The following SLC2A9 variants were observed in gnomAD, a reference collection of about 807,000 sequenced individuals.
SLC2A9 encodes the protein solute carrier family 2 member 9, also known as solute carrier family 2, facilitated glucose transporter member 9.
In SLC2A9, 39 loss-of-function variants were observed where a neutral mutation model predicts 50.6. The ratio of observed to expected loss-of-function variants is 0.77; its 90% CI spans 0.60 to 1.01. SLC2A9 has a LOEUF of 1.01. Ranked by LOEUF, SLC2A9 falls within the 50% of genes least tolerant of loss-of-function variation. SLC2A9 has a pLI of 0.00. For missense variants in SLC2A9, 686 were observed against 677.6 expected (o/e 1.01, Z -0.14); for synonymous variants, 324 against 276.9 (o/e 1.17, Z -1.69).
At chr4:9,995,185 A>T (rs1271898020) in intron 3 of SLC2A9, among the ~76,000 whole-genome samples, 1 of 152,164 alleles carries the variant, frequency 6.6e-6, no homozygotes. Context: ...ATAGAAAATT[A>T]AACAAGAGAA....
intron 8 of SLC2A9, among the ~76,000 whole-genome samples, chr4:9,899,775 A>G (rs1416946273): frequency 1.3e-5 from 2 of 152,156 alleles, no homozygotes; most frequent in Non-Finnish European, 2.9e-5. Flanking sequence ...ATGTCTTGAG[A>G]TATTTCAGCC....
intron 5 of SLC2A9, among the ~76,000 whole-genome samples, chr4:9,950,196 G>A (rs781102700): frequency 9.9e-5 from 15 of 152,224 alleles, no homozygotes; most frequent in South Asian, 6.2e-4. Flanking sequence ...TTTTTGGTGC[G>A]CATTCATGCT....
chr4:9,918,862 C>T (rs1743383199), intron 7 of SLC2A9, among the ~76,000 whole-genome samples: 1 of 152,170 alleles, frequency 6.6e-6, no homozygotes, highest in South Asian at 2.1e-4. Flanking sequence ...AGATCATCAA[C>T]ATGGGAGGGC....
At chr4:9,872,199 C>T (rs1733552896) in intron 10 of SLC2A9, among the ~76,000 whole-genome samples, 1 of 152,140 alleles carries the variant, frequency 6.6e-6, no homozygotes, top group South Asian at 2.1e-4. Flanking sequence ...AGGGACTTGT[C>T]CAACTTACTG....
chr4:10,038,056 GACA>G (rs1344652645), intron 1 of SLC2A9, among the ~76,000 whole-genome samples: 1 of 152,206 alleles, frequency 6.6e-6, no homozygotes, highest in Non-Finnish European at 1.5e-5. Flanking sequence ...TTGGCCTTGA[GACA>G]AGGTGTCCCC....
At chr4:10,027,001 G>A (rs1027073233) in intron 1 of SLC2A9, among the ~76,000 whole-genome samples, 5 of 151,526 alleles carry the variant, frequency 3.3e-5, no homozygotes, top group East Asian at 1.9e-4. Flanking sequence ...CTGAGATCTC[G>A]CCACTGCACT....
intron 10 of SLC2A9, among the ~76,000 whole-genome samples, chr4:9,835,598 C>T (rs2109154083): frequency 6.6e-6 from 1 of 152,286 alleles, no homozygotes. Flanking sequence ...TGTCAACATC[C>T]AACAATTATT....
chr4:10,003,544 T>C (rs1482784862), intron 2 of SLC2A9, among the ~76,000 whole-genome samples: 1 of 152,196 alleles, frequency 6.6e-6, no homozygotes, highest in Admixed American at 6.5e-5. Flanking sequence ...AACACTTTTC[T>C]CAAAAGTTCC....
At position 10,021,263 on chromosome 4, in the gene SLC2A9, A is replaced by T. The variant is rs781264782; in HGVS notation, c.150+17T>A. ...CCCACAGCCCGCCAGCCATGCAGAA[A>T]AGCTGTCCGTAGTTACCTTTCTTCT... On this transcript the variant is annotated intron_variant, in intron 1 of 11. Coordinates refer to ENST00000264784, the MANE Select transcript of SLC2A9 (RefSeq NM_020041.3). 6.2e-7 allele frequency: 1 copy of T among 1,612,476 alleles called. No individual in the cohort carries two copies. The highest frequency in any genetic ancestry group is 1.3e-5 in the African/African-American group (1 of 74,876).
At chr4:9,939,710 C>T (rs1747772280) in intron 6 of SLC2A9, among the ~76,000 whole-genome samples, 1 of 152,022 alleles carries the variant, frequency 6.6e-6, no homozygotes, top group South Asian at 2.1e-4. Context: ...GTTTTCAATA[C>T]AGATGAGCCA....
chr4:10,002,382 G>A lies in SLC2A9; in HGVS notation c.250-5441C>T, dbSNP rs542309107. 1.4e-3 allele frequency among the ~76,000 whole-genome samples: 215 copies of A among 152,192 alleles called. 1 individual carries two copies. Among genetic ancestry groups the A allele is most frequent in the Middle Eastern group, 3.4e-3 (1 of 294 alleles). On this transcript the variant is annotated intron_variant, in intron 2 of 11. Coordinates refer to ENST00000264784, the MANE Select transcript of SLC2A9 (RefSeq NM_020041.3). ...TAAAAGCCCTCATTTACAAACAAGG[G>A]GCCTGAGAGTTATATAACCTGCCCA...
At chr4:9,875,085 G>A (rs1734083627) in intron 10 of SLC2A9, among the ~76,000 whole-genome samples, 1 of 148,624 alleles carries the variant, frequency 6.7e-6, no homozygotes, top group Non-Finnish European at 1.5e-5. Flanking sequence ...AATGGCCATA[G>A]GTTACTCTCT....
Position 9,980,591 on chromosome 4 carries a change from C to A in SLC2A9, c.681+1G>T, listed in dbSNP as rs1265333590. The A allele has an allele frequency of 3.1e-6, 5 of 1,614,022 alleles. No homozygotes were observed. Among genetic ancestry groups the A allele is most frequent in the Non-Finnish European group, 4.2e-6 (5 of 1,180,016 alleles). On this transcript the variant is annotated splice_donor_variant, in intron 5 of 11. Transcript: ENST00000264784. LOFTEE classifies it high-confidence loss of function. Reference sequence around the variant, plus strand: ...GCGGTTGACCAGGGAGCCACACTCACCTTTCCCAGCAGCTCGGGCAGGCCC... The same window carrying A: ...GCGGTTGACCAGGGAGCCACACTCAACTTTCCCAGCAGCTCGGGCAGGCCC...
downstream of SLC2A9, among the ~76,000 whole-genome samples, chr4:9,795,719 T>C (rs1850739): frequency 0.93 from 142,000 of 152,260 alleles, 66,376 homozygotes; most frequent in Middle Eastern, 0.96. Context: ...AAGGATGCAC[T>C]ACTGCATATA....
intron 1 of SLC2A9, among the ~76,000 whole-genome samples, chr4:10,031,392 A>G (rs1319265190): frequency 6.6e-6 from 1 of 152,252 alleles, no homozygotes; most frequent in Non-Finnish European, 1.5e-5. Flanking sequence ...CACAGTTTGA[A>G]AACAGGCTGC....
chr4:9,945,077 C>A (rs887545128), intron 5 of SLC2A9, among the ~76,000 whole-genome samples: 5 of 152,258 alleles, frequency 3.3e-5, no homozygotes, highest in African/African-American at 9.6e-5. Context: ...TGCACGTCTT[C>A]TCTCCCAATG....
At chr4:9,792,761 C>T (rs1181383385) in intron 3 of SLC2A9, 5 of 152,302 alleles carry the variant, frequency 3.3e-5, no homozygotes, top group African/African-American at 4.8e-5. Flanking sequence ...GAACTATCTC[C>T]ACCTTCATTT....
At chr4:9,886,461 T>A (rs927266126) in intron 10 of SLC2A9, among the ~76,000 whole-genome samples, 1 of 129,222 alleles carries the variant, frequency 7.7e-6, no homozygotes, top group African/African-American at 3.1e-5. Flanking sequence ...TGTGTGTGTG[T>A]GTGTGTGTGT....
At position 9,784,479 on chromosome 4, in the gene SLC2A9, A is replaced by G. The variant is rs569219317; in HGVS notation, n.386-4414T>C. Among the ~76,000 whole-genome samples, 24 of 152,368 alleles carry G rather than the reference A, an allele frequency of 1.6e-4. No homozygotes were observed. The South Asian group carries it at 4.4e-3, about 28-fold the overall frequency. ...TTCTGAAGAGCTTTGAAATGTGTGAATCAAGATGCTTTAAAAAAGAAACTC... is the reference window on the plus strand; with the variant it reads ...TTCTGAAGAGCTTTGAAATGTGTGAGTCAAGATGCTTTAAAAAAGAAACTC... On this transcript the variant is annotated intron_variant and non_coding_transcript_variant, in intron 3 of 3. Transcript: ENST00000503803.
Sources: allele counts gnomAD v4.1 joint callset (sites outside exome capture counted in the v4.1 genomes callset), GRCh38; gene constraint gnomAD v4.1.1; transcripts MANE v1.5; gene names NCBI Gene and HGNC (gene_info 2026-07-23, HGNC 2026-07-21).